Variants in SCLY observed in about 807,000 individuals in gnomAD.
The protein encoded by SCLY is selenocysteine lyase, also known as putative selenocysteine lyase.
Under a neutral mutation model 50.1 loss-of-function variants are expected in SCLY, and 38 were observed. That is an observed-to-expected ratio of 0.76 (90% confidence interval 0.59 to 0.99). The LOEUF is 0.99. Among genes scored for constraint, SCLY ranks in the 50% least tolerant of loss-of-function variants. SCLY has a pLI of 0.00. For synonymous variants in SCLY, 243 were observed against 249.4 expected, an observed-to-expected ratio of 0.97 and a Z score of 0.24; for missense variants, 600 against 620.0, an observed-to-expected ratio of 0.97 and a Z score of 0.34.
At chr2:238,097,944 G>C (rs562606001) in intron 11 of SCLY, among the ~76,000 whole-genome samples, 31 of 152,320 alleles carry the variant, frequency 2.0e-4, no homozygotes, top group African/African-American at 7.5e-4. Flanking sequence ...CAGTGCGAGA[G>C]GGAGGCAGTG....
chr2:238,070,389 A>AT (rs1211389640), intron 4 of SCLY, among the ~76,000 whole-genome samples: 2 of 151,986 alleles, frequency 1.3e-5, no homozygotes, highest in East Asian at 3.8e-4. Context: ...TGAAAAAAAA[A>AT]TTTTTTTGGC....
chr2:238,070,928 T>A (rs1423911285), intron 4 of SCLY, among the ~76,000 whole-genome samples: 1 of 151,786 alleles, frequency 6.6e-6, no homozygotes, highest in Non-Finnish European at 1.5e-5. Context: ...GCCTCCCAGG[T>A]TCAAGCAATT....
At chr2:238,097,005 A>G in intron 11 of SCLY, 129 bp downstream of exon 11, 3 of 899,438 alleles carry the variant, frequency 3.3e-6, no homozygotes, top group Non-Finnish European at 1.6e-6. Flanking sequence ...TCTGGGCCCT[A>G]GGAGGGGCAG....
intron 1 of SCLY, among the ~76,000 whole-genome samples, chr2:238,062,348 TA>T (rs1478870167): frequency 2.0e-5 from 3 of 151,586 alleles, no homozygotes; most frequent in Non-Finnish European, 4.4e-5. Context: ...TTAATACTAG[TA>T]CCAGAGTGGT....
intron 7 of SCLY, among the ~76,000 whole-genome samples, chr2:238,090,209 C>T (rs2106452594): frequency 6.6e-6 from 1 of 152,246 alleles, no homozygotes; most frequent in Non-Finnish European, 1.5e-5. Context: ...CAAATTAAAA[C>T]CACCAGATAT....
rs889211914 is a variant in SCLY at position 238,067,327 on chromosome 2, T to C, written c.203-738T>C. The stretch of plus-strand genomic sequence containing the variant: ...TTCTCTTTTTTATGATGTTTCGTAA[T>C]AGTATATGTTTTAGCGGTGCCTGCT... On this transcript the variant is annotated intron_variant, in intron 2 of 11. Coordinates refer to ENST00000254663, the MANE Select transcript of SCLY (RefSeq NM_016510.7). The surrounding 1 kb of genome is among the most constrained non-coding windows in gnomAD (Gnocchi z 4.3). Among the ~76,000 whole-genome samples, 3 of 152,266 alleles carry C rather than the reference T, an allele frequency of 2.0e-5. No homozygotes were observed. The highest frequency in any genetic ancestry group is 7.2e-5 in the African/African-American group (3 of 41,474).
At chr2:238,065,727 T>C (rs2065065321) in intron 2 of SCLY, among the ~76,000 whole-genome samples, 2 of 150,796 alleles carry the variant, frequency 1.3e-5, no homozygotes, top group African/African-American at 2.4e-5. Context: ...CAGGCTGGAG[T>C]GCAGTGGTGC....
At chr2:238,071,129 G>A (rs562381648) in intron 4 of SCLY, among the ~76,000 whole-genome samples, 2 of 152,068 alleles carry the variant, frequency 1.3e-5, no homozygotes, top group South Asian at 2.1e-4. Context: ...ACCTGAGCCC[G>A]GCCAGAGCCC....
rs768812831 is a variant in SCLY, at chr2:238,083,214, T to A, written c.778-34T>A. The A allele has an allele frequency of 6.8e-7, 1 of 1,462,162 alleles. No homozygotes were observed. The highest frequency in any genetic ancestry group is 9.6e-7 in the Non-Finnish European group (1 of 1,041,996). 90.6% of individuals were successfully genotyped at this position (1,462,162 alleles called of 1,614,324 possible). A position where few individuals can be genotyped will look rare whatever the true frequency, so the allele number is the denominator to read the frequency against. The stretch of plus-strand genomic sequence containing the variant: ...TATACAGAGTAGGTCCTTGGAAAGT[T>A]CTTGTTGAATAAATGACCAACTTTT... On this transcript the variant is annotated intron_variant, in intron 6 of 11. Coordinates refer to ENST00000254663, the MANE Select transcript of SCLY (RefSeq NM_016510.7). This position sits in a 1 kb window ranked among gnomAD's most constrained non-coding sequence, Gnocchi z 4.3.
chr2:238,080,571 T>C, intron 4 of SCLY: 1 of 152,452 alleles, frequency 6.6e-6, no homozygotes, highest in Non-Finnish European at 1.5e-5. Context: ...TTCTCGTGAC[T>C]TCCCTGGACG....
At chr2:238,085,681 C>A (rs1246925085) in intron 7 of SCLY, among the ~76,000 whole-genome samples, 1 of 151,880 alleles carries the variant, frequency 6.6e-6, no homozygotes, top group African/African-American at 2.4e-5. Flanking sequence ...GAGCCGAGAT[C>A]GTGCCACTCC....
In SCLY at chr2:238,099,265, A is replaced by G. The variant is rs1191001194; in HGVS notation, c.*910A>G. On this transcript the variant is annotated 3_prime_UTR_variant, in exon 12 of 12. Coordinates refer to ENST00000254663, the MANE Select transcript of SCLY (RefSeq NM_016510.7). ...TCTCAAAATGCTCTGGCATTTGGAC[A>G]CACATCACATGTCGATATTTGCATA... 1 of 471,608 alleles carries G rather than the reference A, an allele frequency of 2.1e-6. No individual in the cohort carries two copies. Among genetic ancestry groups the G allele is most frequent in the Non-Finnish European group, 4.4e-6 (1 of 227,174 alleles). 29.2% of individuals were successfully genotyped at this position (471,608 alleles called of 1,614,324 possible). A position where few individuals can be genotyped will look rare whatever the true frequency, so the allele number is the denominator to read the frequency against.
At chr2:238,072,944 C>G (rs2106440374) in intron 4 of SCLY, among the ~76,000 whole-genome samples, 1 of 152,222 alleles carries the variant, frequency 6.6e-6, no homozygotes, top group South Asian at 2.1e-4. Context: ...TTGTCCTACC[C>G]AAGGTCATGA....
intron 4 of SCLY, among the ~76,000 whole-genome samples, chr2:238,074,132 C>T (rs7601010): frequency 0.86 from 130,469 of 151,736 alleles, 56,243 homozygotes; most frequent in East Asian, 0.97. Context: ...CATGGCAAAA[C>T]CCCATCTCTA....
At chr2:238,085,398 A>G (rs1280322366) in intron 7 of SCLY, among the ~76,000 whole-genome samples, 2 of 152,130 alleles carry the variant, frequency 1.3e-5, no homozygotes, top group East Asian at 3.8e-4. Context: ...ACAGAACAAT[A>G]GAAATCCAGA....
At chr2:238,097,880 G>A (rs1031884859) in intron 11 of SCLY, among the ~76,000 whole-genome samples, 59 of 152,264 alleles carry the variant, frequency 3.9e-4, no homozygotes, top group African/African-American at 1.3e-3. Flanking sequence ...CGGCATCCGT[G>A]TTCTCCAGGA....
intron 9 of SCLY, 107 bp from the exon 10 acceptor site, chr2:238,094,313 A>C (rs2065401849): frequency 1.1e-6 from 1 of 916,312 alleles, no homozygotes; most frequent in African/African-American, 1.6e-5. Flanking sequence ...CTGATTGAAA[A>C]GTATGCACCT....
intron 7 of SCLY, among the ~76,000 whole-genome samples, chr2:238,088,998 C>T (rs1338084311): frequency 5.3e-5 from 8 of 152,138 alleles, no homozygotes; most frequent in African/African-American, 7.2e-5. Context: ...TCAGATCACA[C>T]GATTGTCTAT....
chr2:238,090,570 G>A (rs1314103147), intron 7 of SCLY, among the ~76,000 whole-genome samples: 3 of 152,200 alleles, frequency 2.0e-5, no homozygotes, highest in Non-Finnish European at 4.4e-5. Flanking sequence ...AACCCGGCAG[G>A]TGGAGGATGC....
Sources: gnomAD v4.1 joint callset for allele counts (sites outside exome capture counted in the v4.1 genomes callset) on GRCh38, gnomAD v4.1.1 for gene constraint, Gnocchi (gnomAD v3.1) non-coding constraint, MANE v1.5 for transcripts, NCBI Gene and HGNC (gene_info 2026-07-23, HGNC 2026-07-21) for gene names.